The following FRMPD1 variants were observed in gnomAD, a reference collection of about 807,000 sequenced individuals.
The protein encoded by FRMPD1 is FERM and PDZ domain-containing protein 1.
FRMPD1 carries 76 observed loss-of-function variants against 117.8 expected under a neutral mutation model. That is an observed-to-expected ratio of 0.65 (90% CI 0.54 to 0.78). The LOEUF (loss-of-function observed/expected upper bound fraction) is 0.78, where lower values mean the gene tolerates loss of function less well. FRMPD1 is among the 30% of genes least tolerant of loss of function. The pLI, the probability that FRMPD1 is intolerant of heterozygous loss-of-function variation, is 0.00. For missense variants in FRMPD1, 1,786 were observed against 1,964.5 expected (o/e 0.91, Z 1.72); for synonymous variants, 783 against 770.4 (o/e 1.02, Z -0.27).
At chr9:37,737,060 C>T (rs760936444) in intron 13 of FRMPD1, 36 bp from the exon 14 acceptor site, 2 of 1,577,090 alleles carry the variant, frequency 1.3e-6, no homozygotes, top group Non-Finnish European at 1.7e-6. Context: ...GTCCCTTGGT[C>T]CTTGATAAAC....
At chr9:37,703,193 C>T (rs1279585027) in intron 2 of FRMPD1, among the ~76,000 whole-genome samples, 1 of 152,168 alleles carries the variant, frequency 6.6e-6, no homozygotes, top group East Asian at 1.9e-4. Context: ...GGTACAGGTT[C>T]ACCAATGATT....
At chr9:37,678,047 A>G (rs562456816) in intron 1 of FRMPD1, among the ~76,000 whole-genome samples, 28 of 152,286 alleles carry the variant, frequency 1.8e-4, no homozygotes, top group African/African-American at 6.7e-4. Context: ...AACAGGACCC[A>G]TGGTGACATT....
At chr9:37,652,683 C>T (rs1263083538) in intron 1 of FRMPD1, among the ~76,000 whole-genome samples, 2 of 152,174 alleles carry the variant, frequency 1.3e-5, no homozygotes, top group African/African-American at 2.4e-5. Context: ...ATCTCTCTGA[C>T]GCATTCAAAT....
rs1294821320 is a variant in FRMPD1 at position 37,746,583 on chromosome 9, C to T, written c.4551C>T (p.His1517=). The T allele has an allele frequency of 1.9e-6, 3 of 1,613,856 alleles. No homozygotes were observed. Among genetic ancestry groups the T allele is most frequent in the Non-Finnish European group, 2.5e-6 (3 of 1,179,946 alleles). ...ACTGTAGCCGCTGCTCCGCCCGGCA[C>T]AGGGAGGCAGCGGGGAACCTGAGGG... ...FTDCSRCSAR[H]REAAGNLRDV... The change falls in exon 16 of 16, where the codon CAC becomes CAT. Residue 1517 remains histidine, a synonymous_variant. Transcript: ENST00000377765.
intron 1 of FRMPD1, chr9:37,668,517 A>T (rs1821240749): frequency 6.6e-6 from 1 of 152,260 alleles, no homozygotes; most frequent in Non-Finnish European, 1.5e-5. Context: ...GTGTCCTGGG[A>T]TGGAGGGGAG....
chr9:37,678,417 C>T (rs1821607193), intron 1 of FRMPD1, among the ~76,000 whole-genome samples: 1 of 151,990 alleles, frequency 6.6e-6, no homozygotes, highest in Admixed American at 6.6e-5. Flanking sequence ...TGTGCCATCA[C>T]GTCTGGCTAA....
Position 37,744,853 on chromosome 9 carries a change from A to C in FRMPD1, c.2821A>C (p.Ile941Leu). 1 of 1,614,082 alleles carries C rather than the reference A, an allele frequency of 6.2e-7. No individual in the cohort carries two copies. The change falls in exon 16 of 16, where the codon ATT becomes CTT. Residue 941 changes from isoleucine (I) to leucine (L), a missense_variant. Transcript: ENST00000377765. ...AGTCATCGACTCTCGAGTGTCTTCT[A>C]TTTCTGCCATTCGCTTCCGGATTGA... is the stretch of plus-strand genomic sequence containing the variant. Reference protein sequence around the residue: ...KSVIDSRVSSISAIRFRIDPN... With the variant: ...KSVIDSRVSSLSAIRFRIDPN...
intron 1 of FRMPD1, among the ~76,000 whole-genome samples, chr9:37,679,598 T>C: frequency 6.6e-6 from 1 of 152,256 alleles, no homozygotes; most frequent in East Asian, 1.9e-4. Flanking sequence ...TACTGGACTT[T>C]CATATGAATG....
chr9:37,690,729 A>G (rs890414724), intron 1 of FRMPD1, among the ~76,000 whole-genome samples: 2 of 152,198 alleles, frequency 1.3e-5, no homozygotes, highest in Admixed American at 6.5e-5. Context: ...TTGTGTTGCT[A>G]TATAATATCA....
the FRMPD1 span, among the ~76,000 whole-genome samples, chr9:37,643,319 A>G: frequency 1.3e-5 from 2 of 152,046 alleles, no homozygotes; most frequent in East Asian, 3.9e-4. Flanking sequence ...TCCATTTGGT[A>G]CTATTATTTG....
intron 13 of FRMPD1, among the ~76,000 whole-genome samples, chr9:37,736,887 GCACA>G (rs766907680): frequency 5.4e-5 from 4 of 73,644 alleles, no homozygotes; most frequent in South Asian, 4.4e-4. Context: ...GTATGTGTGC[GCACA>G]CACACACGCG....
At chr9:37,708,349 G>A (rs758787265) in intron 3 of FRMPD1, 50 bp from the exon 4 acceptor site, 1 of 1,135,660 alleles carries the variant, frequency 8.8e-7, no homozygotes, top group South Asian at 1.3e-5. Flanking sequence ...TACACATAGA[G>A]TCTGGGTCCT....
intron 2 of FRMPD1, among the ~76,000 whole-genome samples, chr9:37,696,075 T>TTTTTTTTTTTTA (rs752862883): frequency 8.3e-5 from 10 of 120,688 alleles, no homozygotes; most frequent in Admixed American, 2.0e-4. Flanking sequence ...TTTTTTTTTT[T>TTTTTTTTTTTTA]AATATCTAGA....
At chr9:37,731,510 G>GA (rs1191103485) in intron 9 of FRMPD1, among the ~76,000 whole-genome samples, 1 of 152,128 alleles carries the variant, frequency 6.6e-6, no homozygotes, top group African/African-American at 2.4e-5. Context: ...CTTGATCCGT[G>GA]GCCTGGTGCT....
In FRMPD1 at chr9:37,673,029, C is replaced by G. The variant is rs1370813150; in HGVS notation, c.-4-19609C>G. ...AATCTCATATCCTCACATTTCAAAA[C>G]CAATCATGCCTTCCCAATAGTTCCC... On this transcript the variant is annotated intron_variant, in intron 1 of 15. Transcript: ENST00000377765. Among the ~76,000 whole-genome samples the G allele has an allele frequency of 2.0e-5, 3 of 152,292 alleles. No individual in the cohort carries two copies. The East Asian group carries it at 5.8e-4, about 29-fold the overall frequency.
chr9:37,708,479 G>A lies in FRMPD1; in HGVS notation c.340G>A (p.Glu114Lys). 1 of 1,605,754 alleles carries A rather than the reference G, an allele frequency of 6.2e-7. No individual in the cohort carries two copies. Among genetic ancestry groups the A allele is most frequent in the Non-Finnish European group, 8.5e-7 (1 of 1,172,348 alleles). ...TGAGCCTGCTGAAGACCTTTCCTGG[G>A]AACGAGCAGTCGATATTCTCAGGTA... ...NNEPAEDLSWERAVDILREAE... is the reference protein window; with the variant it reads ...NNEPAEDLSWKRAVDILREAE... Residue 114 changes from glutamate (E) to lysine (K), a missense_variant, in exon 4 of 16, where the codon GAA becomes AAA. Coordinates refer to ENST00000377765, the MANE Select transcript of FRMPD1 (RefSeq NM_014907.3).
chr9:37,736,399 C>T (rs1202022974), intron 13 of FRMPD1, among the ~76,000 whole-genome samples: 1 of 151,584 alleles, frequency 6.6e-6, no homozygotes, highest in African/African-American at 2.4e-5. Flanking sequence ...GGTGTGGTGG[C>T]TCACGCTTGT....
the FRMPD1 span, among the ~76,000 whole-genome samples, chr9:37,633,222 T>C: frequency 2.0e-5 from 3 of 151,958 alleles, no homozygotes; most frequent in South Asian, 6.2e-4. Flanking sequence ...ATATTTTTAG[T>C]AGAGACAGTG....
rs1822391862 is a variant in FRMPD1 at position 37,698,119 on chromosome 9, AAAT to A, written c.101+5385_101+5387del. Among the ~76,000 whole-genome samples, 4 of 152,226 alleles carry A rather than the reference AAAT, an allele frequency of 2.6e-5. No homozygotes were observed. In the South Asian group the frequency reaches 8.3e-4, roughly 31 times the overall value. ...ATGGAGTGAGACTCTGTCTTAAAAA[AAAT>A]AATAATACCAATTTACATAGTTAAA... On this transcript the variant is annotated intron_variant, in intron 2 of 15. Coordinates refer to ENST00000377765, the MANE Select transcript of FRMPD1 (RefSeq NM_014907.3).
Sources: gnomAD v4.1 joint callset for allele counts (sites outside exome capture counted in the v4.1 genomes callset) on GRCh38, gnomAD v4.1.1 for gene constraint, MANE v1.5 for transcripts, NCBI Gene and HGNC (gene_info 2026-07-23, HGNC 2026-07-21) for gene names.